Variants in CCSER1 observed in about 807,000 individuals in gnomAD.
The protein encoded by CCSER1 is coiled-coil serine rich protein 1.
Under a neutral mutation model 82.0 loss-of-function variants are expected in CCSER1, and 41 were observed. That is an observed-to-expected ratio of 0.50 (90% CI 0.39 to 0.65). The LOEUF (loss-of-function observed/expected upper bound fraction) is 0.65. CCSER1 is among the 30% of genes least tolerant of loss of function. CCSER1 has a pLI of 0.00. For synonymous variants in CCSER1, 414 were observed against 383.9 expected, an observed-to-expected ratio of 1.08 and a Z score of -0.92; for missense variants, 1,119 against 1,064.2, an observed-to-expected ratio of 1.05 and a Z score of -0.72.
chr4:91,241,616 G>A (rs1202032530), intron 10 of CCSER1, among the ~76,000 whole-genome samples: 1 of 151,954 alleles, frequency 6.6e-6, no homozygotes, highest in Non-Finnish European at 1.5e-5. Flanking sequence ...ATGAGGCACC[G>A]TGCCTGGCCA....
intron 3 of CCSER1, among the ~76,000 whole-genome samples, chr4:90,385,499 G>A (rs1225552159): frequency 4.1e-5 from 6 of 145,232 alleles, no homozygotes; most frequent in African/African-American, 1.0e-4. Flanking sequence ...TCACTCTGTC[G>A]CCCAGGCTGG....
chr4:91,306,159 G>T (rs972800112), intron 10 of CCSER1, among the ~76,000 whole-genome samples: 28 of 149,792 alleles, frequency 1.9e-4, no homozygotes, highest in African/African-American at 6.6e-4. Flanking sequence ...TTTCATATAT[G>T]ATTACTTTTT....
intron 10 of CCSER1, among the ~76,000 whole-genome samples, chr4:91,156,572 GAATT>G (rs1560475452): frequency 6.6e-6 from 1 of 151,294 alleles, no homozygotes; most frequent in Non-Finnish European, 1.5e-5. Context: ...TAAGTTAAAA[GAATT>G]AAATTTTAAT....
intron 4 of CCSER1, among the ~76,000 whole-genome samples, chr4:90,403,447 C>T (rs1419997161): frequency 7.8e-5 from 10 of 128,330 alleles, no homozygotes; most frequent in African/African-American, 3.0e-4. Flanking sequence ...TGCAGTGAGC[C>T]AAGATCCCGC....
chr4:91,535,030 ATAATT>A (rs1209202642), intron 10 of CCSER1, among the ~76,000 whole-genome samples: 3 of 151,854 alleles, frequency 2.0e-5, no homozygotes, highest in Non-Finnish European at 2.9e-5. Flanking sequence ...TCTACTACAG[ATAATT>A]TTATTTTGTG....
At chr4:90,833,977 G>A (rs1369474522) in intron 8 of CCSER1, among the ~76,000 whole-genome samples, 1 of 152,146 alleles carries the variant, frequency 6.6e-6, no homozygotes, top group Non-Finnish European at 1.5e-5. Context: ...ATGGGGTGAT[G>A]CATACCAGAT....
intron 10 of CCSER1, among the ~76,000 whole-genome samples, chr4:91,414,020 G>A (rs151250009): frequency 1.3e-5 from 2 of 152,226 alleles, no homozygotes; most frequent in East Asian, 3.9e-4. Context: ...CACCAGGAAA[G>A]CTGTCACAAG....
intron 4 of CCSER1, among the ~76,000 whole-genome samples, chr4:90,420,101 A>G (rs1036418987): frequency 7.2e-5 from 11 of 152,008 alleles, no homozygotes; most frequent in Admixed American, 4.6e-4. Flanking sequence ...ACACAAGACT[A>G]TATAATTATC....
chr4:91,214,837 G>A (rs1737118340), intron 10 of CCSER1, among the ~76,000 whole-genome samples: 1 of 152,098 alleles, frequency 6.6e-6, no homozygotes, highest in Non-Finnish European at 1.5e-5. Context: ...AATTTCAGAT[G>A]TCATGTCAAT....
intron 6 of CCSER1, among the ~76,000 whole-genome samples, chr4:90,638,677 C>A (rs1005437250): frequency 6.6e-6 from 1 of 152,132 alleles, no homozygotes; most frequent in Non-Finnish European, 1.5e-5. Flanking sequence ...TGCTGTACAA[C>A]TTGGTCTTGA....
At chr4:90,344,392 T>A (rs1247584649) in intron 3 of CCSER1, among the ~76,000 whole-genome samples, 1 of 152,222 alleles carries the variant, frequency 6.6e-6, no homozygotes, top group African/African-American at 2.4e-5. Flanking sequence ...CTTATTATAC[T>A]TCTTATCACA....
At chr4:90,804,165 C>T (rs1320045021) in intron 7 of CCSER1, among the ~76,000 whole-genome samples, 1 of 152,108 alleles carries the variant, frequency 6.6e-6, no homozygotes, top group Non-Finnish European at 1.5e-5. Context: ...TGTAGGCTGC[C>T]TGTTCACTCT....
chr4:91,183,387 C>A (rs1734229033), intron 10 of CCSER1, among the ~76,000 whole-genome samples: 1 of 151,940 alleles, frequency 6.6e-6, no homozygotes, highest in Admixed American at 6.5e-5. Flanking sequence ...CTGTAAAAAA[C>A]ATTTTCAGCA....
At chr4:91,307,432 T>C (rs1379849203) in intron 10 of CCSER1, among the ~76,000 whole-genome samples, 2 of 151,992 alleles carry the variant, frequency 1.3e-5, no homozygotes, top group African/African-American at 2.4e-5. Flanking sequence ...AATATCATTA[T>C]ACTATTAAAT....
intron 10 of CCSER1, among the ~76,000 whole-genome samples, chr4:91,559,056 C>T (rs1439711194): frequency 6.6e-6 from 1 of 151,428 alleles, no homozygotes; most frequent in Non-Finnish European, 1.5e-5. Context: ...TTTCAGTGTA[C>T]TACTATAAGT....
intron 8 of CCSER1, among the ~76,000 whole-genome samples, chr4:90,904,915 A>T (rs1372441702): frequency 6.6e-6 from 1 of 151,990 alleles, no homozygotes; most frequent in Non-Finnish European, 1.5e-5. Flanking sequence ...TCGCCCATTC[A>T]TCCCATCTCC....
intron 10 of CCSER1, among the ~76,000 whole-genome samples, chr4:91,405,088 G>T (rs1403380074): frequency 6.6e-6 from 1 of 152,150 alleles, no homozygotes; most frequent in Non-Finnish European, 1.5e-5. Flanking sequence ...TCTGTATTGT[G>T]TGCATATATA....
At chr4:90,385,128 G>A (rs1426572370) in intron 3 of CCSER1, among the ~76,000 whole-genome samples, 1 of 152,004 alleles carries the variant, frequency 6.6e-6, no homozygotes, top group Non-Finnish European at 1.5e-5. Flanking sequence ...TCTACTCATC[G>A]GTTGATGGAC....
At chr4:91,376,463 G>A (rs934418834) in intron 10 of CCSER1, among the ~76,000 whole-genome samples, 11 of 152,084 alleles carry the variant, frequency 7.2e-5, no homozygotes, top group Admixed American at 3.3e-4. Flanking sequence ...TAATCTAATA[G>A]GACCACTGTC....
Sources: gnomAD v4.1 joint callset for allele counts (sites outside exome capture counted in the v4.1 genomes callset) on GRCh38, gnomAD v4.1.1 for gene constraint, MANE v1.5 for transcripts, NCBI Gene and HGNC (gene_info 2026-07-23, HGNC 2026-07-21) for gene names.